The following PPP1CC variants were observed in gnomAD, a reference collection of about 807,000 sequenced individuals.
The protein encoded by PPP1CC is serine/threonine-protein phosphatase PP1-gamma catalytic subunit.
Under a neutral mutation model 38.4 loss-of-function variants are expected in PPP1CC, and 16 were observed. The observed-to-expected ratio is 0.42, with a 90% CI of 0.28 to 0.63. The LOEUF (loss-of-function observed/expected upper bound fraction) is 0.63, where lower values mean the gene tolerates loss of function less well. PPP1CC is among the 30% of genes least tolerant of loss of function. The probability of loss-of-function intolerance (pLI) is 0.25; values close to 1 mark genes in which losing one functional copy is unlikely to be tolerated. For missense variants in PPP1CC, 170 were observed against 391.3 expected, an observed-to-expected ratio of 0.43 and a Z score of 4.77; for synonymous variants, 158 against 136.0, an observed-to-expected ratio of 1.16 and a Z score of -1.13.
intron 1 of PPP1CC, among the ~76,000 whole-genome samples, chr12:110,737,757 C>T (rs1439923571): frequency 6.6e-6 from 1 of 151,406 alleles, no homozygotes; most frequent in East Asian, 1.9e-4. Context: ...ACAGCCTAGG[C>T]AACACCCCTG....
chr12:110,724,311 A>G (rs2136542496), intron 4 of PPP1CC, among the ~76,000 whole-genome samples: 1 of 152,330 alleles, frequency 6.6e-6, no homozygotes, highest in East Asian at 1.9e-4. Context: ...CCTGTAACCC[A>G]GCACTTTGGA....
At chr12:110,715,706 C>T (rs1414489694), downstream of PPP1CC, among the ~76,000 whole-genome samples, 2 of 152,058 alleles carry the variant, frequency 1.3e-5, no homozygotes, top group Admixed American at 6.5e-5. Flanking sequence ...GCAACCTCTG[C>T]CTCCTGGGTT....
At position 110,742,864 on chromosome 12, in the gene PPP1CC, C is replaced by G; in HGVS notation, c.-157G>C. On this transcript the variant is annotated 5_prime_UTR_variant, in exon 1 of 7. Transcript: ENST00000335007. The stretch of plus-strand genomic sequence containing the variant: ...CTGCCACCCCGCTCCCTACTTCCTC[C>G]TTCTCTCCCCACTGGAACCACGAGA... 1 of 457,124 alleles carries G rather than the reference C, an allele frequency of 2.2e-6. No homozygotes were observed. The highest frequency in any genetic ancestry group is 3.7e-6 in the Non-Finnish European group (1 of 269,260). The allele number at this position is 457,124 out of a possible 1,614,324, so 28.3% of individuals were successfully genotyped here.
Position 110,720,757 on chromosome 12 carries a change from G to C in PPP1CC, c.*319C>G. ...CATTTACATGATTATGGGTTGTACTGAATTAAAAAAGATCAATTGTACACT... is the reference window on the plus strand; with the variant it reads ...CATTTACATGATTATGGGTTGTACTCAATTAAAAAAGATCAATTGTACACT... On this transcript the variant is annotated 3_prime_UTR_variant, in exon 7 of 7. Coordinates refer to ENST00000335007, the MANE Select transcript of PPP1CC (RefSeq NM_002710.4). 1 of 234,044 alleles carries C rather than the reference G, an allele frequency of 4.3e-6. No homozygotes were observed. Among genetic ancestry groups the C allele is most frequent in the South Asian group, 7.4e-5 (1 of 13,430 alleles). The allele number at this position is 234,044 out of a possible 1,614,324, so 14.5% of individuals were successfully genotyped here.
downstream of PPP1CC, among the ~76,000 whole-genome samples, chr12:110,715,247 G>A (rs1475888465): frequency 6.6e-6 from 1 of 152,126 alleles, no homozygotes. Context: ...ATTAAAATCA[G>A]TATTTGGTGG....
chr12:110,715,904 A>C (rs1444109699), downstream of PPP1CC, among the ~76,000 whole-genome samples: 1 of 150,648 alleles, frequency 6.6e-6, no homozygotes, highest in Non-Finnish European at 1.5e-5. Context: ...TACAGGCGTG[A>C]GCCACCGTGC....
At chr12:110,716,676 A>G (rs1351488794), downstream of PPP1CC, among the ~76,000 whole-genome samples, 1 of 152,228 alleles carries the variant, frequency 6.6e-6, no homozygotes, top group Non-Finnish European at 1.5e-5. Flanking sequence ...TTTGATTACA[A>G]AACTGTTTAC....
chr12:110,713,606 C>T, the PPP1CC span, among the ~76,000 whole-genome samples: 10 of 152,224 alleles, frequency 6.6e-5, no homozygotes, highest in African/African-American at 1.9e-4. Flanking sequence ...TTTCCTAGAG[C>T]GTGGTTTCAA....
intron 1 of PPP1CC, chr12:110,732,148 G>A (rs1293529288): frequency 3.1e-5 from 17 of 555,192 alleles, no homozygotes; most frequent in Admixed American, 2.3e-4. Flanking sequence ...TCCTGTCTGT[G>A]CGAATGCTGT....
Position 110,722,591 on chromosome 12 carries a change from C to T in PPP1CC, c.628G>A (p.Asp210Asn), listed in dbSNP as rs1427407598. The T allele has an allele frequency of 3.7e-6, 6 of 1,614,130 alleles. No individual in the cohort carries two copies. The highest frequency in any genetic ancestry group is 2.2e-5 in the South Asian group (2 of 91,086). Reference sequence around the variant, plus strand: ...TCACCCCAGCCTAAGACATCTTTATCGGGGTCAGACCACAAAAGATCACAA... The same window carrying T: ...TCACCCCAGCCTAAGACATCTTTATTGGGGTCAGACCACAAAAGATCACAA... ...LLCDLLWSDP[D>N]KDVLGWGEND... The change falls in exon 5 of 7, where the codon GAT becomes AAT. Residue 210 changes from aspartate to asparagine, a missense_variant. This residue lies in a region of PPP1CC where 117 missense variants were observed against 344.4 expected (regional missense o/e 0.34). Transcript: ENST00000335007. The surrounding 1 kb of genome is among the most constrained non-coding windows in gnomAD (Gnocchi z 5.4).
Position 110,720,927 on chromosome 12 carries a change from A to G in PPP1CC, c.*149T>C, listed in dbSNP as rs2136536989. 1.7e-6 allele frequency: 1 copy of G among 589,568 alleles called. No individual in the cohort carries two copies. Among genetic ancestry groups the G allele is most frequent in the South Asian group, 2.4e-5 (1 of 41,632 alleles). 36.5% of individuals were successfully genotyped at this position (589,568 alleles called of 1,614,324 possible). A position where few individuals can be genotyped will look rare whatever the true frequency, so the allele number is the denominator to read the frequency against. On this transcript the variant is annotated 3_prime_UTR_variant, in exon 7 of 7. Transcript: ENST00000335007. The stretch of plus-strand genomic sequence containing the variant: ...CTTTCATTTGCTGTTATAACCAGCA[A>G]ATGCCATTCACTAAATCAAAAATGG...
intron 3 of PPP1CC, among the ~76,000 whole-genome samples, chr12:110,728,616 A>C (rs1034709289): frequency 1.3e-5 from 2 of 149,940 alleles, no homozygotes; most frequent in Non-Finnish European, 2.9e-5. Context: ...AAAAACAAAC[A>C]AAAAAAACCC....
chr12:110,727,549 C>G (rs2069813676), intron 3 of PPP1CC, among the ~76,000 whole-genome samples: 1 of 150,536 alleles, frequency 6.6e-6, no homozygotes, highest in African/African-American at 2.5e-5. Flanking sequence ...AGAAACAGAT[C>G]AACAAACACT....
intron 6 of PPP1CC, 104 bp from the exon 7 acceptor site, chr12:110,721,269 GC>G (rs1208080031): frequency 3.3e-6 from 3 of 905,334 alleles, no homozygotes; most frequent in African/African-American, 1.7e-5. Context: ...GTTCACAACT[GC>G]CCCAACAACT....
chr12:110,718,262 T>A (rs193290973), downstream of PPP1CC, among the ~76,000 whole-genome samples: 7 of 152,268 alleles, frequency 4.6e-5, no homozygotes. Flanking sequence ...GCAATTTCTA[T>A]GGGAGGGTAT....
Position 110,722,447 on chromosome 12 carries a change from T to C in PPP1CC, c.747+25A>G. ...GTGCTCACACACATGCTCTTAAGTG[T>C]ACATGTAAAATTCAAAATCAATACC... On this transcript the variant is annotated intron_variant, in intron 5 of 6. Coordinates refer to ENST00000335007, the MANE Select transcript of PPP1CC (RefSeq NM_002710.4). The surrounding 1 kb of genome is among the most constrained non-coding windows in gnomAD (Gnocchi z 5.4). The C allele has an allele frequency of 6.2e-7, 1 of 1,601,602 alleles. No homozygotes were observed. Among genetic ancestry groups the C allele is most frequent in the Non-Finnish European group, 8.6e-7 (1 of 1,168,556 alleles).
the PPP1CC span, among the ~76,000 whole-genome samples, chr12:110,710,609 T>C: frequency 6.9e-3 from 1,019 of 147,654 alleles, 7 homozygotes; most frequent in South Asian, 8.1e-3. Context: ...TCCCAGCTAC[T>C]CAGGAGGCTG....
the PPP1CC span, among the ~76,000 whole-genome samples, chr12:110,713,032 C>CA: frequency 6.6e-6 from 1 of 151,524 alleles, no homozygotes; most frequent in African/African-American, 2.4e-5. Context: ...GAGATTGCAC[C>CA]ATTGCATTCC....
Position 110,721,058 on chromosome 12 carries a change from G to T in PPP1CC, c.*18C>A. 1 of 1,605,884 alleles carries T rather than the reference G, an allele frequency of 6.2e-7. No homozygotes were observed. The highest frequency in any genetic ancestry group is 1.1e-5 in the South Asian group (1 of 90,924). On this transcript the variant is annotated 3_prime_UTR_variant, in exon 7 of 7. Transcript: ENST00000335007. ...ACTCTATGTTACAAGTCCCGACTAG[G>T]CAGTGTCAAAACGACATCTATTTCT...
Sources: gnomAD v4.1 joint callset for allele counts (sites outside exome capture counted in the v4.1 genomes callset) on GRCh38, gnomAD v4.1.1 for gene constraint, gnomAD v4.1.1 regional missense constraint, Gnocchi (gnomAD v3.1) non-coding constraint, MANE v1.5 for transcripts, NCBI Gene and HGNC (gene_info 2026-07-23, HGNC 2026-07-21) for gene names.